The following ZUP1 variants were observed in gnomAD, a reference collection of about 807,000 sequenced individuals.
ZUP1 encodes zinc finger containing ubiquitin peptidase 1, also known as zinc finger-containing ubiquitin peptidase 1.
A neutral mutation model predicts 68.1 loss-of-function variants in ZUP1; 55 were observed. The ratio of observed to expected loss-of-function variants is 0.81; its 90% confidence interval spans 0.65 to 1.01. The LOEUF (loss-of-function observed/expected upper bound fraction) is 1.01, where lower values mean the gene tolerates loss of function less well. ZUP1 is among the 50% of genes least tolerant of loss of function. The pLI is 0.00. For missense variants in ZUP1, 684 were observed against 674.9 expected, an observed-to-expected ratio of 1.01 and a Z score of -0.15; for synonymous variants, 223 against 221.5, an observed-to-expected ratio of 1.01 and a Z score of -0.06.
intron 9 of ZUP1, among the ~76,000 whole-genome samples, chr6:116,644,000 C>T (rs936993001): frequency 6.6e-6 from 1 of 152,048 alleles, no homozygotes; most frequent in African/African-American, 2.4e-5. Flanking sequence ...AAGAAAAAAA[C>T]AAACAACCCC....
Position 116,660,720 on chromosome 6 carries a change from A to C in ZUP1, c.670+16T>G. On this transcript the variant is annotated intron_variant, in intron 3 of 9. Coordinates refer to ENST00000368576, the MANE Select transcript of ZUP1 (RefSeq NM_145062.3). Reference sequence around the variant, plus strand: ...GAAATTAAATGATATTTTTATCTTCAAACATATAAACATACCTTGCTGAAA... The same window carrying C: ...GAAATTAAATGATATTTTTATCTTCCAACATATAAACATACCTTGCTGAAA... 1 of 1,409,184 alleles carries C rather than the reference A, an allele frequency of 7.1e-7. No homozygotes were observed. Among genetic ancestry groups the C allele is most frequent in the Non-Finnish European group, 9.9e-7 (1 of 1,011,712 alleles). The allele number at this position is 1,409,184 out of a possible 1,614,324, so 87.3% of individuals were successfully genotyped here. A position where few individuals can be genotyped will look rare whatever the true frequency, so the allele number is the denominator to read the frequency against.
In ZUP1 at chr6:116,640,233, G is replaced by C. The variant is rs553558483; in HGVS notation, c.1690-4354C>G. 9.5e-4 allele frequency among the ~76,000 whole-genome samples: 144 copies of C among 152,226 alleles called. 1 individual carries two copies. The highest frequency in any genetic ancestry group is 3.4e-3 in the African/African-American group (140 of 41,520). On this transcript the variant is annotated intron_variant, in intron 9 of 9. Transcript: ENST00000368576. ...CTGATTGGTGTACCTGAAAGTGACG[G>C]GGAGAATGGAACCAAGTTGGAAAAC... is the stretch of plus-strand genomic sequence containing the variant.
At position 116,647,582 on chromosome 6, in the gene ZUP1, T is replaced by C. The variant is rs370239689; in HGVS notation, c.1345A>G (p.Thr449Ala). The change falls in exon 8 of 10, where the codon ACT becomes GCT. Residue 449 changes from threonine to alanine, a missense_variant. Thr to Ala is a moderately conservative substitution (Grantham distance 58). Coordinates refer to ENST00000368576, the MANE Select transcript of ZUP1 (RefSeq NM_145062.3). ...CGAGGGTGTGTACCCAAAGGACCAG[T>C]TGATTTGTGAAAATCAACAATATGA... The part of the protein sequence containing the change: ...KCHIVDFHKS[T>A]GPLGTHPRLF... 8.9e-6 allele frequency: 14 copies of C among 1,580,736 alleles called. No individual in the cohort carries two copies. In the East Asian group the frequency reaches 2.3e-4, roughly 25 times the overall value.
At chr6:116,656,103 G>C (rs1431126817) in intron 5 of ZUP1, among the ~76,000 whole-genome samples, 2 of 150,380 alleles carry the variant, frequency 1.3e-5, no homozygotes, top group African/African-American at 4.9e-5. Flanking sequence ...TTTTGAGATG[G>C]AGTTTCGCTC....
At chr6:116,647,236 G>A (rs964293576) in intron 8 of ZUP1, among the ~76,000 whole-genome samples, 2 of 152,164 alleles carry the variant, frequency 1.3e-5, no homozygotes, top group Non-Finnish European at 2.9e-5. Context: ...GCAGGCGCCT[G>A]TAATCCCAGC....
chr6:116,637,048 T>G (rs1193228921), intron 9 of ZUP1, among the ~76,000 whole-genome samples: 1 of 152,154 alleles, frequency 6.6e-6, no homozygotes, highest in Non-Finnish European at 1.5e-5. Context: ...TATATTAAAT[T>G]AGTAAGATTA....
At position 116,657,492 on chromosome 6, in the gene ZUP1, A is replaced by C. The variant is rs542087307; in HGVS notation, c.793-640T>G. Among the ~76,000 whole-genome samples the C allele has an allele frequency of 1.2e-4, 19 of 152,360 alleles. No homozygotes were observed. In the South Asian group the frequency reaches 3.9e-3, roughly 32 times the overall value. ...AATTACATAAGGCATAAAAGTCTTA[A>C]GAAAAGCCAATTTTCTTTCCTATTT... On this transcript the variant is annotated intron_variant, in intron 4 of 9. Coordinates refer to ENST00000368576, the MANE Select transcript of ZUP1 (RefSeq NM_145062.3).
intron 9 of ZUP1, 111 bp downstream of exon 9, chr6:116,645,603 A>G (rs1481005482): frequency 1.2e-6 from 1 of 825,702 alleles, no homozygotes; most frequent in Non-Finnish European, 1.8e-6. Flanking sequence ...AAAAAAAAAG[A>G]AAAAGAATAG....
chr6:116,640,295 C>T (rs1485481109), intron 9 of ZUP1, among the ~76,000 whole-genome samples: 12 of 152,316 alleles, frequency 7.9e-5, no homozygotes, highest in Middle Eastern at 3.4e-3. Flanking sequence ...CTTCCCCAAT[C>T]TAGCAAGGGA....
Position 116,645,862 on chromosome 6 carries a change from C to A in ZUP1, c.1541G>T (p.Gly514Val), listed in dbSNP as rs753439613. ...RTLCLLILDP[G>V]CPSREMQKLL... is the part of the protein sequence containing the mutation. ...TTTCTGCATTTCTCGAGAAGGACAT[C>A]CAGGATCAAGTATTAGTAAGCATAA... is the stretch of plus-strand genomic sequence containing the variant. Residue 514 changes from glycine to valine, a missense_variant, in exon 9 of 10, where the codon GGA becomes GTA. Physicochemically the swap from Gly to Val is moderately radical, Grantham distance 109. Coordinates refer to ENST00000368576, the MANE Select transcript of ZUP1 (RefSeq NM_145062.3). The A allele has an allele frequency of 3.1e-6, 5 of 1,613,856 alleles. No homozygotes were observed. In the South Asian group the frequency reaches 3.3e-5, roughly 11 times the overall value.
chr6:116,651,051 CAGATT>C (rs1275962635), intron 7 of ZUP1, among the ~76,000 whole-genome samples: 1 of 151,954 alleles, frequency 6.6e-6, no homozygotes. Flanking sequence ...AGGAGAGCCT[CAGATT>C]ACATGACAGG....
chr6:116,638,736 T>A (rs1192164036), intron 9 of ZUP1, among the ~76,000 whole-genome samples: 1 of 152,224 alleles, frequency 6.6e-6, no homozygotes, highest in African/African-American at 2.4e-5. Flanking sequence ...ACAGCTCCGG[T>A]CTACAGCTCC....
rs568687795 is a variant in ZUP1 at position 116,652,269 on chromosome 6, C to T, written c.962-77G>A. ...TCTCATACATTTTTAATATCAACCT[C>T]TCCTTCACGCACCATACCTAAATCC... On this transcript the variant is annotated intron_variant, in intron 5 of 9. Transcript: ENST00000368576. The T allele has an allele frequency of 1.0e-5, 11 of 1,096,990 alleles. No homozygotes were observed. In the Admixed American group the frequency reaches 2.5e-4, roughly 25 times the overall value. 68.0% of individuals were successfully genotyped at this position (1,096,990 alleles called of 1,614,324 possible).
Position 116,666,952 on chromosome 6 carries a change from G to C in ZUP1, c.241C>G (p.Leu81Val), listed in dbSNP as rs761262518. The change falls in exon 2 of 10, where the codon CTA becomes GTA. Residue 81 changes from leucine (L) to valine (V), a missense_variant. By Grantham distance (32) the Leu-to-Val change is conservative. Transcript: ENST00000368576. ...GTSDNKKDNT[L>V]QCGMEVNSSI... The stretch of plus-strand genomic sequence containing the variant: ...GAATTAACTTCCATTCCACACTGTA[G>C]GGTGTTGTCTTTCTTGTTATCTGAA... 6.2e-7 allele frequency: 1 copy of C among 1,613,708 alleles called. No individual in the cohort carries two copies. Among genetic ancestry groups the C allele is most frequent in the Non-Finnish European group, 8.5e-7 (1 of 1,179,842 alleles).
intron 7 of ZUP1, among the ~76,000 whole-genome samples, chr6:116,651,107 A>G (rs1776476496): frequency 6.6e-6 from 1 of 152,206 alleles, no homozygotes; most frequent in African/African-American, 2.4e-5. Context: ...GTCACATATT[A>G]TAGTAAAAGA....
At chr6:116,665,576 T>C (rs1200805292) in intron 2 of ZUP1, among the ~76,000 whole-genome samples, 154 of 148,648 alleles carry the variant, frequency 1.0e-3, no homozygotes, top group Non-Finnish European at 1.3e-4. Flanking sequence ...TTTCTTTTTT[T>C]TTTTTTTTTT....
At chr6:116,668,405 T>C (rs972713859) in intron 1 of ZUP1, among the ~76,000 whole-genome samples, 161 bp downstream of exon 1, 1 of 152,154 alleles carries the variant, frequency 6.6e-6, no homozygotes, top group Non-Finnish European at 1.5e-5. Flanking sequence ...AAGGACCCAG[T>C]GCCAAGCTAG....
rs1363889026 is a variant in ZUP1, at chr6:116,667,156, A to C, written c.37T>G (p.Ser13Ala). Residue 13 changes from serine to alanine, a missense_variant, in exon 2 of 10, where the codon TCA becomes GCA. Ser to Ala is a moderately conservative substitution (Grantham distance 99). Coordinates refer to ENST00000368576, the MANE Select transcript of ZUP1 (RefSeq NM_145062.3). ...SCNICGETVT[S>A]EPDMKAHLIV... ...AGGTGAGCTTTCATGTCTGGTTCTGAGGTTACTGTTTCACCACAAATATTA... is the reference window on the plus strand; with the variant it reads ...AGGTGAGCTTTCATGTCTGGTTCTGCGGTTACTGTTTCACCACAAATATTA... 1.9e-6 allele frequency: 3 copies of C among 1,602,340 alleles called. No individual in the cohort carries two copies. The highest frequency in any genetic ancestry group is 2.6e-6 in the Non-Finnish European group (3 of 1,174,156).
intron 3 of ZUP1, 54 bp from the exon 4 acceptor site, chr6:116,658,978 T>C: frequency 2.1e-6 from 3 of 1,414,460 alleles, no homozygotes; most frequent in Non-Finnish European, 2.9e-6. Context: ...TCAAAGATTA[T>C]TTATTATTTA....
Sources: allele counts gnomAD v4.1 joint callset (sites outside exome capture counted in the v4.1 genomes callset), GRCh38; gene constraint gnomAD v4.1.1; transcripts MANE v1.5; gene names NCBI Gene and HGNC (gene_info 2026-07-23, HGNC 2026-07-21).